The following PCED1B variants were observed in gnomAD, a reference collection of about 807,000 sequenced individuals.
PCED1B encodes PC-esterase domain-containing protein 1B.
For missense variants in PCED1B, 573 were observed against 573.9 expected (o/e 1.00, Z 0.02); for synonymous variants, 251 against 246.1 (o/e 1.02, Z -0.19).
At chr12:47,198,657 C>T (rs1434180690) in intron 2 of PCED1B, among the ~76,000 whole-genome samples, 5 of 151,832 alleles carry the variant, frequency 3.3e-5, no homozygotes, top group South Asian at 4.2e-4. Flanking sequence ...TCACAGATGA[C>T]GTGATTATGC....
At chr12:47,143,633 A>G (rs1057497803) in intron 2 of PCED1B, among the ~76,000 whole-genome samples, 2 of 152,216 alleles carry the variant, frequency 1.3e-5, no homozygotes, top group Non-Finnish European at 2.9e-5. Flanking sequence ...GAAAAATCAT[A>G]TTGCCAAAAT....
intron 2 of PCED1B, 43 bp downstream of exon 2, chr12:47,104,238 G>A (rs1938844486): frequency 6.6e-6 from 1 of 152,154 alleles, no homozygotes; most frequent in Admixed American, 6.5e-5. Context: ...AAGGTTTGGC[G>A]AAGGCTCTTC....
At chr12:47,098,729 G>A (rs7980650) in intron 1 of PCED1B, among the ~76,000 whole-genome samples, 7,788 of 152,140 alleles carry the variant, frequency 0.051, 245 homozygotes, top group African/African-American at 0.083. Context: ...TGATCCGCCC[G>A]CCTCCGCCTC....
At chr12:47,093,109 A>G (rs1487468292) in intron 1 of PCED1B, among the ~76,000 whole-genome samples, 1 of 152,008 alleles carries the variant, frequency 6.6e-6, no homozygotes, top group African/African-American at 2.4e-5. Flanking sequence ...CTGATAAACT[A>G]TCTGAGCCCA....
At chr12:47,186,216 T>TA (rs753026776) in intron 2 of PCED1B, among the ~76,000 whole-genome samples, 4 of 88,234 alleles carry the variant, frequency 4.5e-5, no homozygotes, top group Non-Finnish European at 8.0e-5. Context: ...AGACTCCGTC[T>TA]AAAAAAAAAG....
chr12:47,193,756 G>A (rs1162491841), intron 2 of PCED1B, among the ~76,000 whole-genome samples: 1 of 152,130 alleles, frequency 6.6e-6, no homozygotes. Context: ...AATCATATGA[G>A]GCAACCAAAT....
chr12:47,119,870 G>A lies in PCED1B; in HGVS notation c.-526+15675G>A, dbSNP rs186493629. Among the ~76,000 whole-genome samples, 136 of 151,906 alleles carry A rather than the reference G, an allele frequency of 9.0e-4. 2 individuals carry two copies. Among genetic ancestry groups the A allele is most frequent in the Middle Eastern group, 3.4e-3 (1 of 294 alleles). Reference sequence around the variant, plus strand: ...ATCCCAGCTACTTGGGGGAGGCTGAGGCATGAGAATTGTTTGAACCCAGGG... The same window carrying A: ...ATCCCAGCTACTTGGGGGAGGCTGAAGCATGAGAATTGTTTGAACCCAGGG... On this transcript the variant is annotated intron_variant, in intron 2 of 3. Coordinates refer to ENST00000546455, the MANE Select transcript of PCED1B (RefSeq NM_138371.3).
Position 47,169,490 on chromosome 12 carries a change from C to A in PCED1B, c.-525-46732C>A, listed in dbSNP as rs141518835. Among the ~76,000 whole-genome samples, 479 of 152,164 alleles carry A rather than the reference C, an allele frequency of 3.1e-3. 3 individuals are homozygous for A. Among genetic ancestry groups the A allele is most frequent in the African/African-American group, 8.9e-3 (368 of 41,488 alleles). ...GCTGCCATATTTTGGGGTAGTATGT[C>A]CTAAACCCCATCATTTCAATAGTTT... On this transcript the variant is annotated intron_variant, in intron 2 of 3. Coordinates refer to ENST00000546455, the MANE Select transcript of PCED1B (RefSeq NM_138371.3).
chr12:47,106,002 AC>A (rs1405953131), intron 2 of PCED1B, among the ~76,000 whole-genome samples: 6 of 152,188 alleles, frequency 3.9e-5, no homozygotes, highest in Non-Finnish European at 7.4e-5. Flanking sequence ...ACAAATAGAA[AC>A]TTAAATCTGG....
chr12:47,235,386 AGCTGCAGTCGG>A lies in PCED1B; in HGVS notation c.326_336del (p.Leu109ArgfsTer94), dbSNP rs1943944110. 6.2e-7 allele frequency: 1 copy of A among 1,614,046 alleles called. No individual in the cohort carries two copies. Among genetic ancestry groups the A allele is most frequent in the African/African-American group, 1.3e-5 (1 of 74,934 alleles). ...GATTACCTCCAGACCATCTTGAAAG[AGCTGCAGTCGG>A]GCGAGCACGCCCCCGACCTGGTCAT... On this transcript the variant is annotated frameshift_variant, in exon 4 of 4. Transcript: ENST00000546455. LOFTEE classifies it low-confidence loss of function (END_TRUNC).
chr12:47,102,156 A>G (rs1565747403), intron 1 of PCED1B, among the ~76,000 whole-genome samples: 1 of 152,232 alleles, frequency 6.6e-6, no homozygotes, highest in Non-Finnish European at 1.5e-5. Flanking sequence ...ATGGCCTACC[A>G]AAATTATATC....
In PCED1B at chr12:47,235,995, C is replaced by T; in HGVS notation, c.932C>T (p.Pro311Leu). ...CTTGGGTTCCCACCCCAGCGCTTGC[C>T]GCTGCTCCCGCTCCTGTCCCCACAG... The part of the protein sequence containing the change: ...PLLGFPPQRL[P>L]LLPLLSPQPP... The change falls in exon 4 of 4, where the codon CCG becomes CTG. Residue 311 changes from proline (P) to leucine (L), a missense_variant. Transcript: ENST00000546455. 2.5e-6 allele frequency: 4 copies of T among 1,612,796 alleles called. No individual in the cohort carries two copies. Among genetic ancestry groups the T allele is most frequent in the Non-Finnish European group, 3.4e-6 (4 of 1,179,436 alleles).
chr12:47,208,643 G>A (rs1592285923), intron 2 of PCED1B: 1 of 151,996 alleles, frequency 6.6e-6, no homozygotes, highest in African/African-American at 2.4e-5. Context: ...CAAAGTACTG[G>A]GATTATAGGC....
chr12:47,186,801 C>A (rs887200911), intron 2 of PCED1B, among the ~76,000 whole-genome samples: 2 of 152,162 alleles, frequency 1.3e-5, no homozygotes, highest in African/African-American at 4.8e-5. Context: ...TGTGATACTT[C>A]GTGATGGCAG....
At chr12:47,097,370 A>C (rs1044872790) in intron 1 of PCED1B, among the ~76,000 whole-genome samples, 3 of 152,172 alleles carry the variant, frequency 2.0e-5, no homozygotes, top group African/African-American at 7.2e-5. Flanking sequence ...AACACACATA[A>C]ACATCTCCCT....
chr12:47,127,744 GAT>G (rs939722685), intron 2 of PCED1B, among the ~76,000 whole-genome samples: 9 of 152,252 alleles, frequency 5.9e-5, no homozygotes, highest in Admixed American at 4.6e-4. Flanking sequence ...CATTTATTTA[GAT>G]ATGTTTTATG....
chr12:47,161,847 A>G (rs1941390208), intron 2 of PCED1B, among the ~76,000 whole-genome samples: 1 of 152,234 alleles, frequency 6.6e-6, no homozygotes, highest in Non-Finnish European at 1.5e-5. Flanking sequence ...ACAATAGCAA[A>G]GACTTGGAAC....
intron 2 of PCED1B, among the ~76,000 whole-genome samples, chr12:47,169,945 G>C (rs1282901753): frequency 6.6e-6 from 1 of 150,714 alleles, no homozygotes; most frequent in Non-Finnish European, 1.5e-5. Flanking sequence ...TTCTCGGAGA[G>C]GGGGATTTGG....
intron 2 of PCED1B, among the ~76,000 whole-genome samples, chr12:47,113,546 C>A (rs1162059121): frequency 6.6e-6 from 1 of 152,164 alleles, no homozygotes; most frequent in Admixed American, 6.5e-5. Context: ...CTGTTCTACC[C>A]CCACCTCCCA....
Sources: gnomAD v4.1 joint callset for allele counts (sites outside exome capture counted in the v4.1 genomes callset) on GRCh38, gnomAD v4.1.1 for gene constraint, MANE v1.5 for transcripts, NCBI Gene and HGNC (gene_info 2026-07-23, HGNC 2026-07-21) for gene names.